The following TXLNB variants were observed in gnomAD, a reference collection of about 807,000 sequenced individuals.
The protein encoded by TXLNB is taxilin beta.
In TXLNB, 37 loss-of-function variants were observed where a neutral mutation model predicts 57.4. That is an observed-to-expected ratio of 0.64 (90% CI 0.50 to 0.85). The LOEUF is 0.85. TXLNB is among the 40% of genes least tolerant of loss of function. The pLI is 0.00. For missense variants in TXLNB, 848 were observed against 825.6 expected (o/e 1.03, Z -0.33); for synonymous variants, 302 against 309.6 (o/e 0.98, Z 0.26).
chr6:139,225,276 GA>G, the TXLNB span, among the ~76,000 whole-genome samples: 1 of 152,036 alleles, frequency 6.6e-6, no homozygotes, highest in African/African-American at 2.4e-5. Context: ...AATAAGCTAA[GA>G]AGCCCAGTAT....
At chr6:139,239,106 A>G (rs1582983045), downstream of TXLNB, 1 of 152,370 alleles carries the variant, frequency 6.6e-6, no homozygotes, top group East Asian at 1.9e-4. The surrounding 1 kb of genome is among the most constrained non-coding windows in gnomAD (Gnocchi z 4.7). Context: ...TTCTTAGCTC[A>G]CAGTCCTCTT....
At chr6:139,277,044 G>A in intron 2 of TXLNB, 123 bp from the exon 3 acceptor site, 1 of 673,694 alleles carries the variant, frequency 1.5e-6, no homozygotes, top group East Asian at 2.8e-5. Context: ...CATCTTATCA[G>A]ATGTAATTTT....
At chr6:139,207,354 G>C in the TXLNB span, among the ~76,000 whole-genome samples, 42 of 152,252 alleles carry the variant, frequency 2.8e-4, no homozygotes, top group Non-Finnish European at 5.1e-4. Context: ...CAAATACATG[G>C]AAAGTAAATA....
the TXLNB span, among the ~76,000 whole-genome samples, chr6:139,186,577 T>G: frequency 7.9e-5 from 12 of 152,190 alleles, no homozygotes; most frequent in African/African-American, 2.9e-4. Context: ...CTTAAAAAGT[T>G]AAACATGTGC....
chr6:139,304,578 G>A, the TXLNB span, among the ~76,000 whole-genome samples: 1 of 152,170 alleles, frequency 6.6e-6, no homozygotes. Context: ...AGTGGCAACA[G>A]GCAACAGGAC....
chr6:139,315,207 T>C, the TXLNB span, among the ~76,000 whole-genome samples: 70 of 152,236 alleles, frequency 4.6e-4, no homozygotes, highest in South Asian at 0.013. Flanking sequence ...ATCTCCAACC[T>C]GACCAATCCA....
chr6:139,210,622 C>CGGACAGTGGGTGAA, the TXLNB span, among the ~76,000 whole-genome samples: 27 of 152,206 alleles, frequency 1.8e-4, no homozygotes, highest in African/African-American at 6.5e-4. Flanking sequence ...TGGGGAATGC[C>CGGACAGTGGGTGAA]GGACAGTGGG....
At chr6:139,182,206 C>G in the TXLNB span, among the ~76,000 whole-genome samples, 1 of 152,306 alleles carries the variant, frequency 6.6e-6, no homozygotes, top group East Asian at 1.9e-4. Flanking sequence ...TAAAGAAAGT[C>G]TTGAGTCTGC....
At chr6:139,216,626 A>G in the TXLNB span, among the ~76,000 whole-genome samples, 1 of 152,128 alleles carries the variant, frequency 6.6e-6, no homozygotes, top group Non-Finnish European at 1.5e-5. Context: ...AAAGTATAAT[A>G]ATAATAATTT....
At chr6:139,181,069 C>G in the TXLNB span, among the ~76,000 whole-genome samples, 1 of 152,160 alleles carries the variant, frequency 6.6e-6, no homozygotes, top group Non-Finnish European at 1.5e-5. Context: ...AATTATCGTT[C>G]CGGTTTTAGG....
At chr6:139,204,351 C>A in the TXLNB span, among the ~76,000 whole-genome samples, 1 of 152,202 alleles carries the variant, frequency 6.6e-6, no homozygotes, top group Non-Finnish European at 1.5e-5. Context: ...CCACTGCTCC[C>A]AGCCTAATGT....
chr6:139,173,176 G>A, the TXLNB span, among the ~76,000 whole-genome samples: 1 of 152,228 alleles, frequency 6.6e-6, no homozygotes, highest in Non-Finnish European at 1.5e-5. Context: ...TAGAGCAGAG[G>A]TGGGGAGTAT....
chr6:139,212,652 C>A, the TXLNB span, among the ~76,000 whole-genome samples: 1 of 152,102 alleles, frequency 6.6e-6, no homozygotes, highest in Non-Finnish European at 1.5e-5. Context: ...TGTAAATGGG[C>A]TAAATGCTCC....
the TXLNB span, among the ~76,000 whole-genome samples, chr6:139,168,508 C>T: frequency 1.3e-5 from 2 of 151,054 alleles, no homozygotes; most frequent in South Asian, 4.2e-4. Flanking sequence ...TTCCACATAC[C>T]TGTCAGATTT....
chr6:139,292,084 GCGCA>G (rs1162800911), upstream of TXLNB: 4 of 144,618 alleles, frequency 2.8e-5, no homozygotes, highest in Middle Eastern at 3.3e-3. The surrounding 1 kb of genome is among the most constrained non-coding windows in gnomAD (Gnocchi z 4.0). Flanking sequence ...ACGCACGCGC[GCGCA>G]CACACACACA....
chr6:139,253,635 C>T (rs1407539544), intron 7 of TXLNB, among the ~76,000 whole-genome samples: 1 of 151,938 alleles, frequency 6.6e-6, no homozygotes, highest in Non-Finnish European at 1.5e-5. Context: ...AAATCTAGAA[C>T]CCCTGGTTGA....
chr6:139,275,023 G>A (rs1776858285), intron 3 of TXLNB, among the ~76,000 whole-genome samples: 1 of 152,142 alleles, frequency 6.6e-6, no homozygotes, highest in Non-Finnish European at 1.5e-5. Context: ...CAAGAAAATT[G>A]ATACACTGAT....
At chr6:139,291,547 C>G (rs1258140250) in intron 1 of TXLNB, among the ~76,000 whole-genome samples, 5 of 152,036 alleles carry the variant, frequency 3.3e-5, no homozygotes, top group Non-Finnish European at 7.4e-5. Flanking sequence ...TTATAAAGCC[C>G]AGGACAATTC....
chr6:139,217,495 G>C, the TXLNB span, among the ~76,000 whole-genome samples: 1 of 152,108 alleles, frequency 6.6e-6, no homozygotes, highest in African/African-American at 2.4e-5. Flanking sequence ...TAAAATCATA[G>C]TAAAATACCA....
Sources: gnomAD v4.1 joint callset for allele counts (sites outside exome capture counted in the v4.1 genomes callset) on GRCh38, gnomAD v4.1.1 for gene constraint, Gnocchi (gnomAD v3.1) non-coding constraint, MANE v1.5 for transcripts, NCBI Gene and HGNC (gene_info 2026-07-23, HGNC 2026-07-21) for gene names.